CDH18: variants seen among roughly 807,000 people sequenced by gnomAD.
The protein encoded by CDH18 is cadherin 18.
Under a neutral mutation model 67.9 loss-of-function variants are expected in CDH18, and 31 were observed. The observed-to-expected ratio is 0.46, with a 90% CI of 0.34 to 0.62. The LOEUF (loss-of-function observed/expected upper bound fraction) is 0.62. Among genes scored for constraint, CDH18 ranks in the 20% least tolerant of loss-of-function variants. The pLI, the probability that CDH18 is intolerant of heterozygous loss-of-function variation, is 0.01. For synonymous variants in CDH18, 362 were observed against 347.2 expected (o/e 1.04, Z -0.48); for missense variants, 890 against 975.5 (o/e 0.91, Z 1.17).
At chr5:19,976,016 T>C (rs1798464619) in intron 2 of CDH18, among the ~76,000 whole-genome samples, 1 of 152,182 alleles carries the variant, frequency 6.6e-6, no homozygotes, top group South Asian at 2.1e-4. Context: ...ACACAAGAAC[T>C]GCCTCTGAAG....
intron 8 of CDH18, among the ~76,000 whole-genome samples, chr5:19,554,071 T>TA (rs1580175156): frequency 6.6e-6 from 1 of 151,892 alleles, no homozygotes; most frequent in Non-Finnish European, 1.5e-5. Context: ...ATAATCTTTC[T>TA]AAAAAAAAGA....
rs1386513426 is a variant in CDH18, at chr5:20,563,269, A to T, written c.-580+12193T>A. On this transcript the variant is annotated intron_variant, in intron 1 of 14. Coordinates refer to the CDH18 transcript ENST00000507958. ...GAAATGTTGACATATGTGAGAGCTC[A>T]TAAATGAAAGTATCATCTAAACACA... Among the ~76,000 whole-genome samples the T allele has an allele frequency of 4.6e-5, 7 of 152,252 alleles. No homozygotes were observed. The Middle Eastern group carries it at 0.02, about 444-fold the overall frequency.
At chr5:19,949,671 T>C (rs1345152948) in intron 2 of CDH18, among the ~76,000 whole-genome samples, 1 of 152,176 alleles carries the variant, frequency 6.6e-6, no homozygotes, top group Admixed American at 6.6e-5. Flanking sequence ...AAATTTTTGC[T>C]AAACAATAAT....
At chr5:19,984,719 T>G (rs1414043152) in intron 1 of CDH18, among the ~76,000 whole-genome samples, 1 of 152,192 alleles carries the variant, frequency 6.6e-6, no homozygotes, top group Non-Finnish European at 1.5e-5. Context: ...TCACCTTTTA[T>G]GGATAAAGAA....
chr5:20,409,779 G>A (rs188604812), intron 1 of CDH18, among the ~76,000 whole-genome samples: 189 of 151,474 alleles, frequency 1.2e-3, no homozygotes, highest in South Asian at 9.1e-3. Context: ...AAAAAGAAAA[G>A]AGAAATAGAA....
intron 5 of CDH18, among the ~76,000 whole-genome samples, chr5:19,717,848 A>G (rs1765524998): frequency 6.6e-6 from 1 of 152,036 alleles, no homozygotes; most frequent in African/African-American, 2.4e-5. Flanking sequence ...TATGTATTTT[A>G]TATTTTATCA....
intron 1 of CDH18, among the ~76,000 whole-genome samples, chr5:20,538,967 C>G (rs1756897396): frequency 7.4e-6 from 1 of 135,536 alleles, no homozygotes; most frequent in African/African-American, 2.7e-5. Flanking sequence ...CAGCTCACTG[C>G]AACATCTGCC....
intron 2 of CDH18, among the ~76,000 whole-genome samples, chr5:20,054,685 G>A (rs1741748747): frequency 6.6e-6 from 1 of 152,118 alleles, no homozygotes; most frequent in East Asian, 1.9e-4. Flanking sequence ...ACCTACCTCT[G>A]ATCCTGTGGA....
intron 2 of CDH18, among the ~76,000 whole-genome samples, chr5:19,979,339 T>C (rs1049296205): frequency 3.9e-5 from 6 of 151,996 alleles, no homozygotes; most frequent in Non-Finnish European, 8.8e-5. Flanking sequence ...AGTAATCTTG[T>C]ATATTTGCTA....
intron 5 of CDH18, among the ~76,000 whole-genome samples, chr5:19,700,000 C>CATTCAATTAATTTGAGTGTAACAATCAA (rs1158945927): frequency 6.6e-6 from 1 of 151,618 alleles, no homozygotes; most frequent in Non-Finnish European, 1.5e-5. Context: ...CTTAAGAATA[C>CATTCAATTAATTTGAGTGTAACAATCAA]ATTCAATTAA....
At chr5:20,061,226 T>A (rs1396188187) in intron 2 of CDH18, among the ~76,000 whole-genome samples, 2 of 151,860 alleles carry the variant, frequency 1.3e-5, no homozygotes, top group Non-Finnish European at 2.9e-5. Flanking sequence ...AATCCTTAAA[T>A]AAAAAACTAG....
At chr5:19,919,431 T>A (rs184235836) in intron 2 of CDH18, among the ~76,000 whole-genome samples, 15 of 152,260 alleles carry the variant, frequency 9.9e-5, no homozygotes, top group Admixed American at 9.2e-4. Flanking sequence ...GTGACAGGTA[T>A]CTGAAGTTTA....
intron 1 of CDH18, among the ~76,000 whole-genome samples, chr5:20,403,084 G>A (rs1276257606): frequency 6.6e-6 from 1 of 151,548 alleles, no homozygotes; most frequent in Non-Finnish European, 1.5e-5. Context: ...TTGGGAGGCT[G>A]AGGCATGGTA....
chr5:20,044,864 A>T (rs1740773728), intron 2 of CDH18, among the ~76,000 whole-genome samples: 1 of 151,946 alleles, frequency 6.6e-6, no homozygotes, highest in African/African-American at 2.4e-5. Context: ...TACTCAAAAT[A>T]TTTTCCCTCT....
At chr5:19,956,279 A>G (rs997868143) in intron 2 of CDH18, among the ~76,000 whole-genome samples, 1 of 152,028 alleles carries the variant, frequency 6.6e-6, no homozygotes, top group Non-Finnish European at 1.5e-5. Context: ...CTTTCTAAGT[A>G]ATTTCATTTA....
At chr5:20,329,471 C>T (rs1172203969) in intron 1 of CDH18, among the ~76,000 whole-genome samples, 1 of 151,880 alleles carries the variant, frequency 6.6e-6, no homozygotes, top group Non-Finnish European at 1.5e-5. Flanking sequence ...AAAGAGTCAG[C>T]CTTAAATGGG....
At chr5:19,841,504 T>G (rs1782314269) in intron 2 of CDH18, among the ~76,000 whole-genome samples, 1 of 151,564 alleles carries the variant, frequency 6.6e-6, no homozygotes, top group South Asian at 2.1e-4. Context: ...TGTAATAAAT[T>G]ATTTTAATAA....
intron 1 of CDH18, among the ~76,000 whole-genome samples, chr5:20,518,186 A>G (rs559543484): frequency 6.6e-6 from 1 of 152,164 alleles, no homozygotes; most frequent in Admixed American, 6.6e-5. Flanking sequence ...ATGAGACAAT[A>G]TCTGTCACAA....
intron 1 of CDH18, among the ~76,000 whole-genome samples, chr5:20,273,752 C>T (rs1200931348): frequency 1.3e-5 from 2 of 152,092 alleles, no homozygotes; most frequent in Admixed American, 6.6e-5. Flanking sequence ...TAGATGACTA[C>T]TATGACACTC....
Sources: gnomAD v4.1 joint callset for allele counts (sites outside exome capture counted in the v4.1 genomes callset) on GRCh38, gnomAD v4.1.1 for gene constraint, MANE v1.5 for transcripts, NCBI Gene and HGNC (gene_info 2026-07-23, HGNC 2026-07-21) for gene names.